The following PKD1L3 variants were observed in gnomAD, a reference collection of about 807,000 sequenced individuals.
PKD1L3 encodes the protein polycystin-1-like protein 3.
In PKD1L3, 239 loss-of-function variants were observed where a neutral mutation model predicts 184.1. That is an observed-to-expected ratio of 1.30 (90% CI 1.17 to 1.45). The LOEUF is 1.45. PKD1L3 is among the 40% of genes most tolerant of loss of function. The probability of loss-of-function intolerance (pLI) is 0.00; values close to 1 mark genes in which losing one functional copy is unlikely to be tolerated. For missense variants in PKD1L3, 2,660 were observed against 2,067.2 expected (o/e 1.29, Z -5.56); for synonymous variants, 996 against 778.8 (o/e 1.28, Z -4.64).
At chr16:71,958,929 T>TA (rs2039161147) in intron 16 of PKD1L3, among the ~76,000 whole-genome samples, 1 of 141,396 alleles carries the variant, frequency 7.1e-6, no homozygotes, top group South Asian at 2.2e-4. Context: ...TCTAATAAAA[T>TA]ACAAAAAATT....
intron 12 of PKD1L3, among the ~76,000 whole-genome samples, chr16:71,971,290 A>G (rs1424759291): frequency 1.3e-5 from 2 of 152,212 alleles, no homozygotes; most frequent in Admixed American, 6.6e-5. Flanking sequence ...ATTATTCTTT[A>G]TGGCTTTCCA....
chr16:71,950,297 G>C lies in PKD1L3; in HGVS notation c.3204C>G (p.Asn1068Lys). Residue 1068 changes from asparagine (N) to lysine (K), a missense_variant, in exon 20 of 30, where the codon AAC (asparagine) becomes AAG (lysine). Transcript: ENST00000620267. ...GCAGGTAACAGCAGAAATGATGGTGGTTTTCAGGAACAACTGAAAATATAT... is the reference window on the plus strand; with the variant it reads ...GCAGGTAACAGCAGAAATGATGGTGCTTTTCAGGAACAACTGAAAATATAT... ...ERHWARVVPE[N>K]HHHFCCYLHR... The C allele has an allele frequency of 2.6e-6, 4 of 1,519,650 alleles. No individual in the cohort carries two copies. The highest frequency in any genetic ancestry group is 1.2e-5 in the South Asian group (1 of 80,814). The allele number at this position is 1,519,650 out of a possible 1,614,324, so 94.1% of individuals were successfully genotyped here.
intron 15 of PKD1L3, among the ~76,000 whole-genome samples, chr16:71,964,551 G>T (rs1010374159): frequency 2.0e-5 from 3 of 151,500 alleles, no homozygotes; most frequent in Admixed American, 1.3e-4. Context: ...GTTATAGCCA[G>T]GATGGTCTCG....
At chr16:71,960,805 C>T (rs902249520) in intron 16 of PKD1L3, among the ~76,000 whole-genome samples, 1 of 152,090 alleles carries the variant, frequency 6.6e-6, no homozygotes, top group Non-Finnish European at 1.5e-5. Flanking sequence ...TGCCTGTAAT[C>T]CTAGCTACTC....
At chr16:71,974,080 C>A (rs1030978370) in intron 11 of PKD1L3, among the ~76,000 whole-genome samples, 1 of 151,854 alleles carries the variant, frequency 6.6e-6, no homozygotes, top group African/African-American at 2.4e-5. Context: ...GAATGTATTA[C>A]GAGGTTTAGA....
chr16:71,967,104 A>G (rs1209853641), intron 15 of PKD1L3, 33 bp downstream of exon 15: 10 of 1,532,890 alleles, frequency 6.5e-6, no homozygotes, highest in Non-Finnish European at 7.1e-6. Context: ...TCCACAAAGC[A>G]GCAGCAACAG....
At position 71,932,747 on chromosome 16, in the gene PKD1L3, T is replaced by G. The variant is rs2038023953; in HGVS notation, c.4926+673A>C. Reference sequence around the variant, plus strand: ...CCGCTGGCTTCGGCTTCCCAAAGTATTAGGATTATAGGCATGAGCCACCGC... The same window carrying G: ...CCGCTGGCTTCGGCTTCCCAAAGTAGTAGGATTATAGGCATGAGCCACCGC... On this transcript the variant is annotated intron_variant, in intron 28 of 29. Transcript: ENST00000620267. Among the ~76,000 whole-genome samples, 3 of 150,790 alleles carry G rather than the reference T, an allele frequency of 2.0e-5. No homozygotes were observed. In the South Asian group the frequency reaches 6.3e-4, roughly 32 times the overall value.
At chr16:71,940,087 G>A (rs1332302076) in intron 24 of PKD1L3, among the ~76,000 whole-genome samples, 1 of 151,428 alleles carries the variant, frequency 6.6e-6, no homozygotes, top group Non-Finnish European at 1.5e-5. Flanking sequence ...TAGAAGTTCA[G>A]GTGGAACTGA....
chr16:71,970,747 G>A (rs550493423), intron 12 of PKD1L3, among the ~76,000 whole-genome samples: 5 of 152,288 alleles, frequency 3.3e-5, no homozygotes, highest in East Asian at 3.9e-4. Flanking sequence ...GACAGAGGTT[G>A]CAGTGAGCCC....
chr16:71,931,129 A>G (rs911239496), intron 28 of PKD1L3: 2 of 152,068 alleles, frequency 1.3e-5, no homozygotes, highest in African/African-American at 4.8e-5. Context: ...TGTTTACTGT[A>G]TTTTTATGTA....
intron 25 of PKD1L3, among the ~76,000 whole-genome samples, chr16:71,935,721 A>G (rs558339141): frequency 6.6e-6 from 1 of 151,964 alleles, no homozygotes; most frequent in Non-Finnish European, 1.5e-5. Context: ...GTTATCTTCA[A>G]ACAACTTCCA....
intron 9 of PKD1L3, among the ~76,000 whole-genome samples, 167 bp from the exon 10 acceptor site, chr16:71,978,550 T>C (rs1340561305): frequency 6.7e-6 from 1 of 149,028 alleles, no homozygotes; most frequent in Non-Finnish European, 1.5e-5. Context: ...TACTTTTTTT[T>C]TTTTTTTGAG....
rs1431094321 is a variant in PKD1L3 at position 71,964,375 on chromosome 16, C to T, written c.2466-1024G>A. Among the ~76,000 whole-genome samples, 3 of 104,394 alleles carry T rather than the reference C, an allele frequency of 2.9e-5. No individual in the cohort carries two copies. The Admixed American group carries it at 4.5e-4, about 16-fold the overall frequency. The allele number at this position is 104,394 out of a possible 152,430, so 68.5% of individuals were successfully genotyped here. ...TTTTTTTGAGACAGAGTTTCACTCT[C>T]TTGCACAGGCTGGAGTGCAGTGGTG... On this transcript the variant is annotated intron_variant, in intron 15 of 29. Transcript: ENST00000620267.
chr16:71,945,758 C>T (rs1348782929), intron 22 of PKD1L3, among the ~76,000 whole-genome samples: 1 of 151,944 alleles, frequency 6.6e-6, no homozygotes, highest in Non-Finnish European at 1.5e-5. Flanking sequence ...ACCATGGGAT[C>T]AGTGAAGAGT....
At chr16:71,963,784 A>G (rs1281051076) in intron 15 of PKD1L3, among the ~76,000 whole-genome samples, 1 of 152,058 alleles carries the variant, frequency 6.6e-6, no homozygotes, top group East Asian at 1.9e-4. Context: ...CTCTGTCAAA[A>G]AAAACAAAAA....
At chr16:71,943,557 A>AAAC (rs2038444319) in intron 23 of PKD1L3, among the ~76,000 whole-genome samples, 1 of 151,752 alleles carries the variant, frequency 6.6e-6, no homozygotes, top group African/African-American at 2.4e-5. Context: ...AAAAAAAAAA[A>AAAC]ACATAAAATC....
Position 71,954,303 on chromosome 16 carries a change from T to G in PKD1L3, c.2613-2A>C. 3.9e-6 allele frequency: 6 copies of G among 1,523,628 alleles called. No homozygotes were observed. Among genetic ancestry groups the G allele is most frequent in the Non-Finnish European group, 5.3e-6 (6 of 1,133,064 alleles). The allele number at this position is 1,523,628 out of a possible 1,614,324, so 94.4% of individuals were successfully genotyped here. On this transcript the variant is annotated splice_acceptor_variant, in intron 16 of 29. Transcript: ENST00000620267. LOFTEE classifies it high-confidence loss of function. ...ACAATCATGGAGGAAAACAGATGTC[T>G]GAAAAGAGAAATCAGAAGAGGAAAT...
chr16:71,961,616 G>A (rs1003317185), intron 16 of PKD1L3, among the ~76,000 whole-genome samples: 1 of 151,916 alleles, frequency 6.6e-6, no homozygotes, highest in South Asian at 2.1e-4. Flanking sequence ...GACAGCCAGC[G>A]CCCCCTGCTG....
rs1375348289 is a variant in PKD1L3 at position 71,980,245 on chromosome 16, GGGTAGTATTCCTTAGAGA to G, written c.1144-129_1144-112del. 2.2e-6 allele frequency: 3 copies of G among 1,346,766 alleles called. No homozygotes were observed. In the East Asian group the frequency reaches 7.5e-5, roughly 34 times the overall value. 83.4% of individuals were successfully genotyped at this position (1,346,766 alleles called of 1,614,324 possible). On this transcript the variant is annotated intron_variant, in intron 7 of 29. Transcript: ENST00000620267. ...GGAATTTTCACAGTGTTGTAATGAA[GGGTAGTATTCCTTAGAGA>G]GGACCTTGGAATCTCACAGAAAGTA...
Sources: allele counts gnomAD v4.1 joint callset (sites outside exome capture counted in the v4.1 genomes callset), GRCh38; gene constraint gnomAD v4.1.1; transcripts MANE v1.5; gene names NCBI Gene and HGNC (gene_info 2026-07-23, HGNC 2026-07-21).